The following SPIDR variants were observed in gnomAD, a reference collection of about 807,000 sequenced individuals.
The protein encoded by SPIDR is scaffold protein involved in DNA repair.
A neutral mutation model predicts 104.6 loss-of-function variants in SPIDR; 93 were observed. The ratio of observed to expected loss-of-function variants is 0.89; its 90% CI spans 0.75 to 1.06. SPIDR has a LOEUF of 1.06. Ranked by LOEUF, SPIDR falls within the 50% of genes least tolerant of loss-of-function variation. SPIDR has a pLI of 0.00. For synonymous variants in SPIDR, 431 were observed against 416.9 expected (o/e 1.03, Z -0.41); for missense variants, 1,154 against 1,111.2 (o/e 1.04, Z -0.55).
At chr8:47,335,810 G>T (rs534018846) in intron 5 of SPIDR, among the ~76,000 whole-genome samples, 1 of 152,080 alleles carries the variant, frequency 6.6e-6, no homozygotes, top group African/African-American at 2.4e-5. Flanking sequence ...AGAAGAAGTT[G>T]TTATCTTTGC....
At chr8:47,366,961 G>A (rs1563756401) in intron 5 of SPIDR, among the ~76,000 whole-genome samples, 1 of 152,192 alleles carries the variant, frequency 6.6e-6, no homozygotes, top group African/African-American at 2.4e-5. Flanking sequence ...ATGACCTCCA[G>A]TAGACCCACT....
At chr8:47,488,794 T>G (rs2078152737) in intron 8 of SPIDR, among the ~76,000 whole-genome samples, 1 of 152,122 alleles carries the variant, frequency 6.6e-6, no homozygotes, top group Non-Finnish European at 1.5e-5. Flanking sequence ...TTTGACAAAA[T>G]TCAACAGCCC....
At chr8:47,613,028 G>A (rs1190001474) in intron 10 of SPIDR, among the ~76,000 whole-genome samples, 1 of 152,096 alleles carries the variant, frequency 6.6e-6, no homozygotes, top group Non-Finnish European at 1.5e-5. Context: ...CATAAAATTG[G>A]CCATTTTAAA....
At chr8:47,557,138 A>C (rs942918704) in intron 8 of SPIDR, among the ~76,000 whole-genome samples, 1 of 152,144 alleles carries the variant, frequency 6.6e-6, no homozygotes, top group Non-Finnish European at 1.5e-5. Flanking sequence ...TGATAATGAG[A>C]CTTCGGCTCC....
chr8:47,581,056 C>T (rs2059648578), intron 8 of SPIDR, among the ~76,000 whole-genome samples: 1 of 152,118 alleles, frequency 6.6e-6, no homozygotes. Flanking sequence ...ACTGGTGAGC[C>T]ACCCAGCCAA....
chr8:47,261,143 T>A (rs1170924640), intron 1 of SPIDR, 152 bp downstream of exon 1: 3 of 952,586 alleles, frequency 3.1e-6, no homozygotes, highest in African/African-American at 1.7e-5. Flanking sequence ...TCTGCGCGCG[T>A]GGAGCAAGCC....
chr8:47,727,072 T>C (rs2084355701), intron 16 of SPIDR, 128 bp from the exon 17 acceptor site: 1 of 657,478 alleles, frequency 1.5e-6, no homozygotes, highest in South Asian at 1.8e-5. Flanking sequence ...CTTAGGAACA[T>C]GTATATAAAC....
rs184185976 is a variant in SPIDR, at chr8:47,349,790, A to G, written c.526-46586A>G. ...ACCCACTGAGCCCGGCGCGGGATGT[A>G]ATGTCCTGGTGTGCTGTTTGCTAAG... is the stretch of plus-strand genomic sequence containing the variant. On this transcript the variant is annotated intron_variant, in intron 5 of 19. Transcript: ENST00000297423. 5.4e-3 allele frequency among the ~76,000 whole-genome samples: 825 copies of G among 152,344 alleles called. 5 individuals carry two copies. The highest frequency in any genetic ancestry group is 0.017 in the Middle Eastern group (5 of 294).
chr8:47,299,628 A>G lies in SPIDR; in HGVS notation c.525+5598A>G, dbSNP rs1336886212. 3.3e-5 allele frequency among the ~76,000 whole-genome samples: 5 copies of G among 152,316 alleles called. No individual in the cohort carries two copies. The South Asian group carries it at 6.2e-4, about 19-fold the overall frequency. On this transcript the variant is annotated intron_variant, in intron 5 of 19. Coordinates refer to ENST00000297423, the MANE Select transcript of SPIDR (RefSeq NM_001080394.4). ...TTATTATTTTGAGATACGTCCCATC[A>G]ATACCTAATTTATTGAGAGTTTTTA...
chr8:47,415,697 A>G (rs2064159479), intron 7 of SPIDR, among the ~76,000 whole-genome samples: 1 of 152,210 alleles, frequency 6.6e-6, no homozygotes, highest in African/African-American at 2.4e-5. Flanking sequence ...AGTCTGCCAG[A>G]GCGTTGATCT....
At chr8:47,708,470 A>G (rs143030482) in intron 14 of SPIDR, among the ~76,000 whole-genome samples, 42 of 152,250 alleles carry the variant, frequency 2.8e-4, no homozygotes, top group African/African-American at 8.9e-4. Context: ...CCCATTATCA[A>G]CATCCCTACC....
At chr8:47,264,440 C>G (rs1357629438) in intron 1 of SPIDR, among the ~76,000 whole-genome samples, 7 of 152,060 alleles carry the variant, frequency 4.6e-5, no homozygotes, top group Non-Finnish European at 1.5e-5. Context: ...GTCAGTTGCT[C>G]AAAGGCTGGG....
chr8:47,458,001 T>C (rs1351942530), intron 8 of SPIDR, among the ~76,000 whole-genome samples: 1 of 152,222 alleles, frequency 6.6e-6, no homozygotes, highest in African/African-American at 2.4e-5. Flanking sequence ...TATGGCCTTA[T>C]AGTCTAGTTT....
chr8:47,608,183 A>T (rs2063193430), intron 10 of SPIDR, among the ~76,000 whole-genome samples: 1 of 152,194 alleles, frequency 6.6e-6, no homozygotes, highest in Non-Finnish European at 1.5e-5. Flanking sequence ...TGGATACTTC[A>T]TATACATAAA....
chr8:47,727,540 T>A (rs1002178412), intron 17 of SPIDR, among the ~76,000 whole-genome samples: 1 of 152,178 alleles, frequency 6.6e-6, no homozygotes, highest in African/African-American at 2.4e-5. Flanking sequence ...CCCCACCTCC[T>A]TTATTATCAG....
intron 10 of SPIDR, among the ~76,000 whole-genome samples, chr8:47,641,137 GAAATT>G (rs751933534): frequency 6.6e-6 from 1 of 151,872 alleles, no homozygotes; most frequent in African/African-American, 2.4e-5. Flanking sequence ...CAAACACTAA[GAAATT>G]AAATAAGACT....
chr8:47,651,941 C>A (rs958302323), intron 10 of SPIDR, among the ~76,000 whole-genome samples: 3 of 152,094 alleles, frequency 2.0e-5, no homozygotes, highest in Non-Finnish European at 4.4e-5. Context: ...TAATGCACTA[C>A]AGAGACTTAG....
intron 8 of SPIDR, among the ~76,000 whole-genome samples, chr8:47,534,962 A>G (rs1470176297): frequency 6.6e-6 from 1 of 152,154 alleles, no homozygotes; most frequent in Non-Finnish European, 1.5e-5. Flanking sequence ...AAGAGTGACC[A>G]TTACTACTGA....
chr8:47,388,636 C>G (rs1024585306), intron 5 of SPIDR, among the ~76,000 whole-genome samples: 2 of 152,164 alleles, frequency 1.3e-5, no homozygotes, highest in Middle Eastern at 3.2e-3. Flanking sequence ...AGTTGTCTAC[C>G]TGAGGCCAAT....
Sources: allele counts gnomAD v4.1 joint callset (sites outside exome capture counted in the v4.1 genomes callset), GRCh38; gene constraint gnomAD v4.1.1; transcripts MANE v1.5; gene names NCBI Gene and HGNC (gene_info 2026-07-23, HGNC 2026-07-21).